Variants in ZPBP observed in about 807,000 individuals in gnomAD.
ZPBP encodes zona pellucida-binding protein 1.
A neutral mutation model predicts 44.8 loss-of-function variants in ZPBP; 26 were observed. The observed-to-expected ratio is 0.58, with a 90% CI of 0.43 to 0.81. ZPBP has a LOEUF of 0.81. ZPBP is among the 30% of genes least tolerant of loss of function. The probability of loss-of-function intolerance (pLI) is 0.00; values close to 1 mark genes in which losing one functional copy is unlikely to be tolerated. For missense variants in ZPBP, 409 were observed against 434.0 expected (o/e 0.94, Z 0.51); for synonymous variants, 174 against 153.2 (o/e 1.14, Z -1.00).
At chr7:50,040,068 T>C (rs1468565642) in intron 4 of ZPBP, among the ~76,000 whole-genome samples, 2 of 152,094 alleles carry the variant, frequency 1.3e-5, no homozygotes, top group African/African-American at 4.8e-5. Context: ...TAATGCAGAA[T>C]AGAAGAACAC....
At chr7:49,924,434 T>C (rs919878038) in intron 1 of ZPBP, among the ~76,000 whole-genome samples, 1 of 152,188 alleles carries the variant, frequency 6.6e-6, no homozygotes, top group African/African-American at 2.4e-5. Context: ...TTATAAAGCA[T>C]TGACATCACA....
intron 7 of ZPBP, chr7:49,943,972 G>C: frequency 3.3e-6 from 1 of 305,716 alleles, no homozygotes. Context: ...CATATCACTT[G>C]CAAATAAATT....
intron 4 of ZPBP, among the ~76,000 whole-genome samples, chr7:50,044,350 A>C (rs1800242209): frequency 6.6e-6 from 1 of 152,018 alleles, no homozygotes; most frequent in Non-Finnish European, 1.5e-5. Context: ...AACATGAAAA[A>C]CTCTCCAAAA....
intron 4 of ZPBP, among the ~76,000 whole-genome samples, chr7:50,048,416 T>G (rs1473115055): frequency 2.0e-5 from 3 of 152,080 alleles, no homozygotes; most frequent in Non-Finnish European, 4.4e-5. Flanking sequence ...CAGCAGAATA[T>G]GCATTCTTCT....
chr7:50,079,768 T>C (rs1266092799), intron 3 of ZPBP, among the ~76,000 whole-genome samples: 1 of 151,682 alleles, frequency 6.6e-6, no homozygotes, highest in Non-Finnish European at 1.5e-5. Flanking sequence ...TAGCTTGATG[T>C]AGGAAAGCTG....
intron 6 of ZPBP, among the ~76,000 whole-genome samples, chr7:50,017,625 T>C (rs543227531): frequency 6.6e-6 from 1 of 152,280 alleles, no homozygotes; most frequent in African/African-American, 2.4e-5. Context: ...ATACCTTTAG[T>C]AGAAACACTT....
chr7:49,987,141 C>G (rs556548124), intron 6 of ZPBP, among the ~76,000 whole-genome samples: 1 of 152,258 alleles, frequency 6.6e-6, no homozygotes, highest in Admixed American at 6.5e-5. Flanking sequence ...CTCTGAGCAC[C>G]TGGGAGATTA....
At chr7:50,066,342 G>A (rs1274969552) in intron 3 of ZPBP, among the ~76,000 whole-genome samples, 1 of 149,770 alleles carries the variant, frequency 6.7e-6, no homozygotes, top group East Asian at 1.9e-4. Flanking sequence ...CATACATATA[G>A]CTGATTATTT....
chr7:49,932,155 G>A (rs559023373), intron 1 of ZPBP, among the ~76,000 whole-genome samples: 1 of 152,344 alleles, frequency 6.6e-6, no homozygotes, highest in South Asian at 2.1e-4. Flanking sequence ...GGAAATGTGA[G>A]GTGGGAGCCC....
the ZPBP span, among the ~76,000 whole-genome samples, chr7:49,842,521 G>A: frequency 6.6e-6 from 1 of 152,162 alleles, no homozygotes; most frequent in Non-Finnish European, 1.5e-5. Context: ...ACCATCCAGT[G>A]TAACTCAGTG....
chr7:49,893,113 T>A (rs902422245), intron 2 of ZPBP, among the ~76,000 whole-genome samples: 19 of 152,226 alleles, frequency 1.2e-4, no homozygotes, highest in African/African-American at 4.6e-4. Context: ...TTCCTGAGAA[T>A]GTTGAGCATG....
At chr7:49,972,423 G>A (rs1444634003) in intron 7 of ZPBP, among the ~76,000 whole-genome samples, 1 of 151,922 alleles carries the variant, frequency 6.6e-6, no homozygotes, top group Non-Finnish European at 1.5e-5. Context: ...TGCAACAACA[G>A]CTGCATTTCT....
chr7:50,090,688 A>G (rs558680809), intron 1 of ZPBP, among the ~76,000 whole-genome samples: 2 of 152,110 alleles, frequency 1.3e-5, no homozygotes, highest in Admixed American at 1.3e-4. Context: ...TATACCATAC[A>G]CCACAGTTTC....
At chr7:49,981,547 T>TAG (rs1796939674) in intron 7 of ZPBP, among the ~76,000 whole-genome samples, 3 of 89,808 alleles carry the variant, frequency 3.3e-5, no homozygotes, top group African/African-American at 1.3e-4. Flanking sequence ...TTTTATATAA[T>TAG]TATATAAATT....
intron 4 of ZPBP, among the ~76,000 whole-genome samples, 170 bp from the exon 5 acceptor site, chr7:50,031,480 C>A (rs939899119): frequency 3.3e-5 from 5 of 152,028 alleles, no homozygotes; most frequent in African/African-American, 1.2e-4. Context: ...TTACTAAGTA[C>A]CAAATACTAT....
intron 2 of ZPBP, among the ~76,000 whole-genome samples, chr7:50,084,638 T>C (rs7789714): frequency 0.83 from 125,460 of 151,402 alleles, 52,026 homozygotes; most frequent in East Asian, 0.88. Context: ...CCAAAACCAA[T>C]GAAATATCAT....
chr7:50,064,958 T>C (rs1057162221), intron 3 of ZPBP, among the ~76,000 whole-genome samples: 3 of 152,230 alleles, frequency 2.0e-5, no homozygotes, highest in African/African-American at 7.2e-5. Flanking sequence ...TGTTTAGAGA[T>C]TGCAGTAAAG....
chr7:49,843,905 G>C, the ZPBP span, among the ~76,000 whole-genome samples: 1 of 152,230 alleles, frequency 6.6e-6, no homozygotes, highest in Non-Finnish European at 1.5e-5. Context: ...GATAGATGGA[G>C]AGATAGCAGA....
intron 1 of ZPBP, chr7:49,919,170 C>T (rs1432573170): frequency 6.6e-6 from 1 of 152,000 alleles, no homozygotes; most frequent in Non-Finnish European, 1.5e-5. Flanking sequence ...TCCAAATATT[C>T]TTCCCTGGGG....
Sources: gnomAD v4.1 joint callset for allele counts (sites outside exome capture counted in the v4.1 genomes callset) on GRCh38, gnomAD v4.1.1 for gene constraint, MANE v1.5 for transcripts, NCBI Gene and HGNC (gene_info 2026-07-23, HGNC 2026-07-21) for gene names.